Variants in CENPF observed in about 807,000 individuals in gnomAD.
CENPF encodes centromere protein F, also known as AH antigen.
CENPF carries 214 observed loss-of-function variants against 307.3 expected under a neutral mutation model. The ratio of observed to expected loss-of-function variants is 0.70; its 90% CI spans 0.62 to 0.78. The LOEUF is 0.78. Among genes scored for constraint, CENPF ranks in the 30% least tolerant of loss-of-function variants. The pLI, the probability that CENPF is intolerant of heterozygous loss-of-function variation, is 0.00. For missense variants in CENPF, 3,401 were observed against 3,483.9 expected, an observed-to-expected ratio of 0.98 and a Z score of 0.60; for synonymous variants, 1,259 against 1,270.6, an observed-to-expected ratio of 0.99 and a Z score of 0.19.
chr1:214,610,201 A>G (rs911834169), intron 1 of CENPF, among the ~76,000 whole-genome samples: 5 of 152,066 alleles, frequency 3.3e-5, no homozygotes, highest in Admixed American at 6.5e-5. Context: ...TCCTCTGGGT[A>G]TATACCCAGG....
chr1:214,638,722 A>G (rs1658026369), intron 11 of CENPF, among the ~76,000 whole-genome samples: 1 of 152,194 alleles, frequency 6.6e-6, no homozygotes, highest in South Asian at 2.1e-4. Flanking sequence ...CTGGAGGCTG[A>G]GGCAGGAGAA....
In CENPF at chr1:214,655,231, T is replaced by C. The variant is rs748924311; in HGVS notation, c.8323-10T>C. On this transcript the variant is annotated splice_polypyrimidine_tract_variant and intron_variant, in intron 16 of 19. Coordinates refer to ENST00000366955, the MANE Select transcript of CENPF (RefSeq NM_016343.4). ...TCAAGGTTTTAAATGGAATTACTTTTATTTTGTAGATGGACAATCTAAAAT... is the reference window on the plus strand; with the variant it reads ...TCAAGGTTTTAAATGGAATTACTTTCATTTTGTAGATGGACAATCTAAAAT... 6.5e-7 allele frequency: 1 copy of C among 1,545,638 alleles called. No individual in the cohort carries two copies. Among genetic ancestry groups the C allele is most frequent in the East Asian group, 2.3e-5 (1 of 43,522 alleles).
intron 1 of CENPF, chr1:214,608,787 G>T: frequency 6.2e-7 from 1 of 1,600,142 alleles, no homozygotes; most frequent in Middle Eastern, 2.3e-4. Flanking sequence ...TGCGGCCGGG[G>T]CAGGGCGGGC....
chr1:214,615,314 A>G, intron 3 of CENPF: 1 of 198,400 alleles, frequency 5.0e-6, no homozygotes. Context: ...CTGTACCATG[A>G]TTCAGACACT....
At chr1:214,652,202 A>AT (rs1324355280) in intron 15 of CENPF, among the ~76,000 whole-genome samples, 31 of 145,612 alleles carry the variant, frequency 2.1e-4, no homozygotes, top group Admixed American at 6.1e-4. Context: ...CGCCCGGCTA[A>AT]TTTTTTGTAT....
intron 10 of CENPF, among the ~76,000 whole-genome samples, chr1:214,632,983 TATC>T (rs907311588): frequency 6.6e-6 from 1 of 152,234 alleles, no homozygotes; most frequent in African/African-American, 2.4e-5. Flanking sequence ...AAATTGGAAG[TATC>T]ATCTAAATCC....
chr1:214,614,536 G>C lies in CENPF; in HGVS notation c.163-296G>C, dbSNP rs1331427617. On this transcript the variant is annotated intron_variant, in intron 2 of 19. Coordinates refer to ENST00000366955, the MANE Select transcript of CENPF (RefSeq NM_016343.4). Reference sequence around the variant, plus strand: ...GGTTTTAGCAGCCAAACTTGAAAATGAATTGTTAAGGGAGATTTATAGGAT... The same window carrying C: ...GGTTTTAGCAGCCAAACTTGAAAATCAATTGTTAAGGGAGATTTATAGGAT... Among the ~76,000 whole-genome samples the C allele has an allele frequency of 2.1e-4, 32 of 152,202 alleles. 1 individual carries two copies.
chr1:214,609,084 C>T (rs868504378), intron 1 of CENPF, among the ~76,000 whole-genome samples: 3 of 151,694 alleles, frequency 2.0e-5, no homozygotes, highest in African/African-American at 7.3e-5. Flanking sequence ...AAGCCCACCC[C>T]GGCCCGCGCC....
chr1:214,654,892 T>C (rs578225322), intron 16 of CENPF, among the ~76,000 whole-genome samples: 41 of 152,196 alleles, frequency 2.7e-4, no homozygotes, highest in Non-Finnish European at 5.0e-4. Context: ...AATTCTGTCA[T>C]TGAGAATTTT....
At chr1:214,651,650 T>C (rs767554994) in intron 14 of CENPF, 60 bp from the exon 15 acceptor site, 9 of 1,316,500 alleles carry the variant, frequency 6.8e-6, no homozygotes, top group South Asian at 1.5e-5. Context: ...TTCCTAAAAA[T>C]ATTTCCAGGT....
At chr1:214,610,106 C>T (rs1383010180) in intron 1 of CENPF, among the ~76,000 whole-genome samples, 1 of 151,584 alleles carries the variant, frequency 6.6e-6, no homozygotes, top group Non-Finnish European at 1.5e-5. Context: ...TATCCACCTG[C>T]CTTGGCCTCC....
Position 214,651,758 on chromosome 1 carries a change from C to T in CENPF, c.8032C>T (p.Leu2678=). Residue 2678 remains leucine (L), a synonymous_variant, in exon 15 of 20, where the codon CTA becomes TTA. Transcript: ENST00000366955. ...AGAAAATAGTGAATTGAAGAAGAGC[C>T]TAGATTGCATGCACAAAGACCAGGT... ...TLENSELKKS[L]DCMHKDQVEK... is the part of the protein sequence containing the mutation. 1.9e-6 allele frequency: 3 copies of T among 1,611,546 alleles called. No individual in the cohort carries two copies. The highest frequency in any genetic ancestry group is 2.5e-6 in the Non-Finnish European group (3 of 1,179,126).
intron 14 of CENPF, among the ~76,000 whole-genome samples, chr1:214,649,280 G>C (rs1414467521): frequency 6.6e-6 from 1 of 152,286 alleles, no homozygotes; most frequent in African/African-American, 2.4e-5. Flanking sequence ...CACACCTATA[G>C]CACTTGGGCT....
intron 1 of CENPF, among the ~76,000 whole-genome samples, chr1:214,604,946 T>A (rs574410906): frequency 6.6e-6 from 1 of 152,368 alleles, no homozygotes; most frequent in South Asian, 2.1e-4. Flanking sequence ...TAATTTTTTT[T>A]ATTGTTCTTA....
At position 214,619,179 on chromosome 1, in the gene CENPF, C is replaced by T. The variant is rs199800194; in HGVS notation, c.532C>T (p.Arg178Ter). 53 of 1,586,340 alleles carry T rather than the reference C, an allele frequency of 3.3e-5. No individual in the cohort carries two copies. The highest frequency in any genetic ancestry group is 6.8e-5 in the African/African-American group (5 of 73,844). The change falls in exon 5 of 20, where the codon CGA becomes TGA. Residue 178 changes from arginine (R) to a stop codon, truncating the protein, a stop_gained. Coordinates refer to ENST00000366955, the MANE Select transcript of CENPF (RefSeq NM_016343.4). LOFTEE classifies it high-confidence loss of function. ...AAAATATAATAAAGAGGTTGAAGAA[C>T]GAAAAAGATTAGAGGCAGAGGTTAA... The part of the protein sequence containing the change: ...KEKYNKEVEE[R>*]KRLEAEVKAL...
intron 18 of CENPF, among the ~76,000 whole-genome samples, chr1:214,657,631 T>C (rs1004560793): frequency 1.3e-5 from 2 of 152,150 alleles, no homozygotes; most frequent in Non-Finnish European, 2.9e-5. Context: ...ATTGGAAAAA[T>C]GGCTGTCTAA....
At chr1:214,658,764 C>A in intron 18 of CENPF, 86 bp from the exon 19 acceptor site, 1 of 1,370,530 alleles carries the variant, frequency 7.3e-7, no homozygotes, top group Non-Finnish European at 1.0e-6. Context: ...TTGCATTATC[C>A]TTGTTAAAAC....
rs770178587 is a variant in CENPF at position 214,641,416 on chromosome 1, A to G, written c.3078A>G (p.Leu1026=). Residue 1026 remains leucine (L), a synonymous_variant, in exon 12 of 20, where the codon CTA becomes CTG. Transcript: ENST00000366955. ...DQYKQEKLIL[L]QRCEETGNAY... Reference sequence around the variant, plus strand: ...ACAAGCAAGAAAAACTTATTTTACTACAAAGATGTGAAGAAACCGGAAATG... The same window carrying G: ...ACAAGCAAGAAAAACTTATTTTACTGCAAAGATGTGAAGAAACCGGAAATG... 2.2e-5 allele frequency: 35 copies of G among 1,574,156 alleles called. No homozygotes were observed. Among genetic ancestry groups the G allele is most frequent in the South Asian group, 6.0e-5 (5 of 83,458 alleles).
chr1:214,652,642 A>C (rs920190727), intron 15 of CENPF, among the ~76,000 whole-genome samples, 186 bp from the exon 16 acceptor site: 1 of 151,098 alleles, frequency 6.6e-6, no homozygotes, highest in African/African-American at 2.4e-5. Flanking sequence ...CAGGGGTTTC[A>C]CCATGTTGGC....
Sources: gnomAD v4.1 joint callset for allele counts (sites outside exome capture counted in the v4.1 genomes callset) on GRCh38, gnomAD v4.1.1 for gene constraint, MANE v1.5 for transcripts, NCBI Gene and HGNC (gene_info 2026-07-23, HGNC 2026-07-21) for gene names.